The following MEGF11 variants were observed in gnomAD, a reference collection of about 807,000 sequenced individuals.
The protein encoded by MEGF11 is multiple EGF like domains 11.
In MEGF11, 126 loss-of-function variants were observed where a neutral mutation model predicts 146.6. The ratio of observed to expected loss-of-function variants is 0.86; its 90% CI spans 0.74 to 1.00. The LOEUF (loss-of-function observed/expected upper bound fraction) is 1.00, where lower values mean the gene tolerates loss of function less well. Among genes scored for constraint, MEGF11 ranks in the 50% least tolerant of loss-of-function variants. The pLI, the probability that MEGF11 is intolerant of heterozygous loss-of-function variation, is 0.00. For synonymous variants in MEGF11, 532 were observed against 583.4 expected (o/e 0.91, Z 1.27); for missense variants, 1,509 against 1,521.2 (o/e 0.99, Z 0.13).
intron 4 of MEGF11, among the ~76,000 whole-genome samples, chr15:66,106,161 A>G (rs2087065752): frequency 6.6e-6 from 1 of 152,210 alleles, no homozygotes; most frequent in Non-Finnish European, 1.5e-5. Flanking sequence ...CTGCTTAAAA[A>G]GGGAAAGGAG....
chr15:66,140,013 C>A (rs1371306862), intron 1 of MEGF11, among the ~76,000 whole-genome samples: 2 of 152,164 alleles, frequency 1.3e-5, no homozygotes, highest in African/African-American at 4.8e-5. Flanking sequence ...GATCACACTC[C>A]CCGGTGCCAG....
At chr15:65,944,668 C>T (rs973840654) in intron 10 of MEGF11, among the ~76,000 whole-genome samples, 1 of 152,082 alleles carries the variant, frequency 6.6e-6, no homozygotes, top group Non-Finnish European at 1.5e-5. Flanking sequence ...GTGCCTGGGC[C>T]CTTCCTCTCT....
intron 4 of MEGF11, among the ~76,000 whole-genome samples, chr15:66,096,236 G>T (rs557973436): frequency 6.6e-6 from 1 of 152,198 alleles, no homozygotes; most frequent in East Asian, 1.9e-4. Flanking sequence ...CACTAACACC[G>T]CCAACTGTTT....
intron 1 of MEGF11, among the ~76,000 whole-genome samples, chr15:66,170,950 G>A (rs2090235824): frequency 6.6e-6 from 1 of 152,324 alleles, no homozygotes; most frequent in South Asian, 2.1e-4. Flanking sequence ...TGCCCCGGGG[G>A]ACCACCAAAG....
chr15:65,907,462 T>C (rs961405856), intron 23 of MEGF11, among the ~76,000 whole-genome samples: 1 of 151,994 alleles, frequency 6.6e-6, no homozygotes, highest in Admixed American at 6.6e-5. Context: ...TCCCAGCTAA[T>C]TTTTTTGTAT....
At chr15:66,181,897 A>G (rs2090559661) in intron 1 of MEGF11, among the ~76,000 whole-genome samples, 1 of 152,128 alleles carries the variant, frequency 6.6e-6, no homozygotes, top group Admixed American at 6.5e-5. Context: ...TTGCTCCTAA[A>G]TGAGGAAGGG....
rs71139451 is a variant in MEGF11, at chr15:65,955,823, A to AATATATATAT, written c.1287+1723_1287+1724insATATATATAT. ...ACACACACACACACACAATACTTTA[A>AATATATATAT]ATATATAACATGTAATCAATATAAC... is the stretch of plus-strand genomic sequence containing the variant. On this transcript the variant is annotated intron_variant, in intron 10 of 25. Coordinates refer to ENST00000395614, the MANE Select transcript of MEGF11 (RefSeq NM_001385028.1). Among the ~76,000 whole-genome samples the AATATATATAT allele has an allele frequency of 1.5e-4, 6 of 40,200 alleles. No individual in the cohort carries two copies. The East Asian group carries it at 2.4e-3, about 16-fold the overall frequency. The allele number at this position is 40,200 out of a possible 152,430, so 26.4% of individuals were successfully genotyped here. A position where few individuals can be genotyped will look rare whatever the true frequency, so the allele number is the denominator to read the frequency against.
chr15:65,915,703 T>C (rs2078974494), intron 18 of MEGF11, 105 bp from the exon 19 acceptor site: 1 of 1,404,344 alleles, frequency 7.1e-7, no homozygotes, highest in Admixed American at 2.1e-5. Flanking sequence ...TCCCACTGAG[T>C]GAAGCCTATT....
chr15:65,919,493 G>C (rs1016205834), intron 15 of MEGF11, among the ~76,000 whole-genome samples: 1 of 152,052 alleles, frequency 6.6e-6, no homozygotes, highest in African/African-American at 2.4e-5. Flanking sequence ...ATAGCCTTAT[G>C]TCTAAAAAAC....
chr15:65,922,720 G>T, intron 14 of MEGF11, 103 bp downstream of exon 14: 1 of 1,416,096 alleles, frequency 7.1e-7, no homozygotes, highest in South Asian at 1.4e-5. Flanking sequence ...GATGGGGGCT[G>T]ATTCAAGAGC....
At chr15:65,979,855 G>A (rs1324981169) in intron 7 of MEGF11, among the ~76,000 whole-genome samples, 1 of 152,154 alleles carries the variant, frequency 6.6e-6, no homozygotes, top group East Asian at 1.9e-4. Context: ...GGGAAGGGGA[G>A]TAATTGAGGC....
At chr15:65,967,991 G>A (rs2081167199) in intron 8 of MEGF11, among the ~76,000 whole-genome samples, 1 of 152,138 alleles carries the variant, frequency 6.6e-6, no homozygotes, top group Non-Finnish European at 1.5e-5. Flanking sequence ...GACAAGTGAG[G>A]CAACTGCTCC....
intron 5 of MEGF11, among the ~76,000 whole-genome samples, chr15:65,986,110 C>T (rs1359529093): frequency 6.6e-6 from 1 of 151,956 alleles, no homozygotes; most frequent in East Asian, 1.9e-4. Context: ...CACCACCATG[C>T]CCAGCTAATT....
Position 65,916,129 on chromosome 15 carries a change from A to C in MEGF11, c.2344+19T>G. The C allele has an allele frequency of 6.4e-7, 1 of 1,571,000 alleles. No individual in the cohort carries two copies. Among genetic ancestry groups the C allele is most frequent in the Non-Finnish European group, 8.7e-7 (1 of 1,154,296 alleles). ...GGGCCCAGCAGCATCACCCAGGATC[A>C]GGGGTCAGGGCAGCTTACTCTGCTC... On this transcript the variant is annotated intron_variant, in intron 18 of 25. Transcript: ENST00000395614.
intron 1 of MEGF11, among the ~76,000 whole-genome samples, chr15:66,156,789 G>A (rs2089775623): frequency 6.6e-6 from 1 of 152,138 alleles, no homozygotes; most frequent in East Asian, 1.9e-4. Context: ...TCTGGGTGGT[G>A]TCTAAGATGA....
chr15:65,998,478 A>G (rs1279144952), intron 5 of MEGF11, among the ~76,000 whole-genome samples: 1 of 152,148 alleles, frequency 6.6e-6, no homozygotes, highest in African/African-American at 2.4e-5. Context: ...ACAAACCGAG[A>G]CTTCTTAAAT....
chr15:66,137,000 C>T (rs1461191238), intron 1 of MEGF11, among the ~76,000 whole-genome samples: 3 of 152,112 alleles, frequency 2.0e-5, no homozygotes, highest in Non-Finnish European at 4.4e-5. Flanking sequence ...CCTCTCCAGC[C>T]TGGGTGACAG....
At chr15:66,013,186 A>G (rs1322079677) in intron 5 of MEGF11, among the ~76,000 whole-genome samples, 6 of 152,146 alleles carry the variant, frequency 3.9e-5, no homozygotes, top group African/African-American at 1.2e-4. Flanking sequence ...AGGAGACTAG[A>G]GGGCAGCGGC....
At chr15:66,232,620 C>T (rs147536028) in intron 1 of MEGF11, among the ~76,000 whole-genome samples, 170 of 152,324 alleles carry the variant, frequency 1.1e-3, no homozygotes, top group African/African-American at 3.8e-3. Flanking sequence ...GGGTCTGAAC[C>T]CTGGCCTTCA....
Sources: gnomAD v4.1 joint callset for allele counts (sites outside exome capture counted in the v4.1 genomes callset) on GRCh38, gnomAD v4.1.1 for gene constraint, MANE v1.5 for transcripts, NCBI Gene and HGNC (gene_info 2026-07-23, HGNC 2026-07-21) for gene names.